Variants in ANKRD62 observed in about 807,000 individuals in gnomAD.
ANKRD62 encodes ankyrin repeat domain 62, also known as ankyrin repeat domain-containing protein 62.
In ANKRD62, 61 loss-of-function variants were observed where a neutral mutation model predicts 98.8. The observed-to-expected ratio is 0.62, with a 90% CI of 0.50 to 0.76. The LOEUF (loss-of-function observed/expected upper bound fraction) is 0.76. Among genes scored for constraint, ANKRD62 ranks in the 30% least tolerant of loss-of-function variants. The pLI, the probability that ANKRD62 is intolerant of heterozygous loss-of-function variation, is 0.00. For missense variants in ANKRD62, 933 were observed against 1,082.9 expected (o/e 0.86, Z 1.94); for synonymous variants, 341 against 367.9 (o/e 0.93, Z 0.84).
At chr18:12,112,487 G>C (rs1909565070) in intron 8 of ANKRD62, among the ~76,000 whole-genome samples, 1 of 152,174 alleles carries the variant, frequency 6.6e-6, no homozygotes, top group African/African-American at 2.4e-5. Context: ...TTAATAAATG[G>C]TACTGGGATA....
the ANKRD62 span, among the ~76,000 whole-genome samples, chr18:12,157,713 A>G: frequency 2.6e-5 from 4 of 152,194 alleles, no homozygotes; most frequent in African/African-American, 9.6e-5. Flanking sequence ...CTGGGTGGTC[A>G]TTGGCTGTCT....
chr18:12,149,816 GA>G, the ANKRD62 span, among the ~76,000 whole-genome samples: 1 of 143,586 alleles, frequency 7.0e-6, no homozygotes, highest in African/African-American at 2.6e-5. Flanking sequence ...GAAGTTAAAG[GA>G]ACACCCACAT....
chr18:12,095,579 C>CA lies in ANKRD62; in HGVS notation c.477dup (p.Tyr160IlefsTer6). On this transcript the variant is annotated frameshift_variant, in exon 3 of 14. Coordinates refer to ENST00000587848, the MANE Select transcript of ANKRD62 (RefSeq NM_001277333.2). LOFTEE classifies it high-confidence loss of function. Reference sequence around the variant, plus strand: ...ATATCAATGGCAAGAAAACTGCTTGCATATGGTGCAGATATTGAAGCAAGA... The same window carrying CA: ...ATATCAATGGCAAGAAAACTGCTTGCAATATGGTGCAGATATTGAAGCAAGA... 6.5e-7 allele frequency: 1 copy of CA among 1,534,562 alleles called. No individual in the cohort carries two copies. The highest frequency in any genetic ancestry group is 2.4e-5 in the East Asian group (1 of 41,346).
At chr18:12,167,739 T>G in the ANKRD62 span, among the ~76,000 whole-genome samples, 1 of 152,178 alleles carries the variant, frequency 6.6e-6, no homozygotes, top group African/African-American at 2.4e-5. Flanking sequence ...TGAACTAGTT[T>G]ACACTCCCAA....
the ANKRD62 span, among the ~76,000 whole-genome samples, chr18:12,159,669 A>G: frequency 6.6e-6 from 1 of 152,198 alleles, no homozygotes; most frequent in South Asian, 2.1e-4. Context: ...GAGAAACGTG[A>G]TGAGTAATGT....
In ANKRD62 at chr18:12,128,852, G is replaced by A. The variant is rs1211944915; in HGVS notation, c.*913G>A. 1 of 152,250 alleles carries A rather than the reference G, an allele frequency of 6.6e-6. No individual in the cohort carries two copies. The highest frequency in any genetic ancestry group is 6.5e-5 in the Admixed American group (1 of 15,292). 9.4% of individuals were successfully genotyped at this position (152,250 alleles called of 1,614,324 possible). On this transcript the variant is annotated 3_prime_UTR_variant, in exon 14 of 14. Coordinates refer to ENST00000587848, the MANE Select transcript of ANKRD62 (RefSeq NM_001277333.2). ...AAACGGGTGGATCACCTGAGGTCAG[G>A]AGTTTGAGACCATCCTGGCCAACAT... is the stretch of plus-strand genomic sequence containing the variant.
chr18:12,114,940 A>T, intron 8 of ANKRD62, 148 bp from the exon 9 acceptor site: 1 of 582,814 alleles, frequency 1.7e-6, no homozygotes, highest in Non-Finnish European at 2.5e-6. Context: ...TGTATTTTGC[A>T]TCACCTGTAA....
At chr18:12,134,147 C>T (rs1176239862), downstream of ANKRD62, among the ~76,000 whole-genome samples, 3 of 152,288 alleles carry the variant, frequency 2.0e-5, no homozygotes, top group African/African-American at 7.2e-5. Flanking sequence ...CTGCTTTCCT[C>T]AGGAGCACTG....
intron 11 of ANKRD62, among the ~76,000 whole-genome samples, chr18:12,123,508 G>C (rs1435644628): frequency 1.3e-5 from 2 of 152,180 alleles, no homozygotes; most frequent in Non-Finnish European, 2.9e-5. Context: ...ATTAGATCTT[G>C]TCTTGTTTGA....
chr18:12,096,049 C>A, intron 3 of ANKRD62, 147 bp from the exon 4 acceptor site: 1 of 626,956 alleles, frequency 1.6e-6, no homozygotes, highest in Non-Finnish European at 2.7e-6. Context: ...AACATGTGGG[C>A]AAGCACAGTG....
downstream of ANKRD62, among the ~76,000 whole-genome samples, chr18:12,133,231 C>A (rs144216029): frequency 0.011 from 1,723 of 152,250 alleles, 13 homozygotes; most frequent in Non-Finnish European, 0.02. Flanking sequence ...TCATCTATAT[C>A]ATACAGCATG....
chr18:12,119,362 T>TC (rs1239969707), intron 10 of ANKRD62, among the ~76,000 whole-genome samples: 2 of 151,080 alleles, frequency 1.3e-5, no homozygotes, highest in East Asian at 1.9e-4. Flanking sequence ...TTTTTTTTTT[T>TC]TCTGAAACCA....
chr18:12,096,669 A>G (rs1036571626), intron 4 of ANKRD62, among the ~76,000 whole-genome samples: 4 of 152,224 alleles, frequency 2.6e-5, no homozygotes, highest in African/African-American at 9.6e-5. Flanking sequence ...CTTTTATAGT[A>G]GTTTCAACCT....
At chr18:12,171,612 G>T in the ANKRD62 span, among the ~76,000 whole-genome samples, 88 of 152,190 alleles carry the variant, frequency 5.8e-4, no homozygotes, top group Non-Finnish European at 1.2e-3. Flanking sequence ...TGACAATTAT[G>T]TGTCTTGGGG....
intron 10 of ANKRD62, among the ~76,000 whole-genome samples, chr18:12,120,031 A>C (rs7233967): frequency 0.036 from 5,528 of 152,124 alleles, 337 homozygotes; most frequent in African/African-American, 0.13. Flanking sequence ...TTCTAATATC[A>C]TTGATTTGTG....
the ANKRD62 span, among the ~76,000 whole-genome samples, chr18:12,150,430 C>G: frequency 6.6e-6 from 1 of 152,226 alleles, no homozygotes; most frequent in East Asian, 1.9e-4. Context: ...GAGAATCAAA[C>G]AAATTCAGGA....
In ANKRD62 at chr18:12,093,906, C is replaced by A. The variant is rs1220970192; in HGVS notation, c.-112C>A. ...ACTGGAGTGTCCCTGACGGAGGTTG[C>A]GGCTGGACCTGGTTACGTGCTGGTG... On this transcript the variant is annotated 5_prime_UTR_variant, in exon 1 of 14. Coordinates refer to ENST00000587848, the MANE Select transcript of ANKRD62 (RefSeq NM_001277333.2). 3.9e-6 allele frequency: 4 copies of A among 1,017,664 alleles called. No homozygotes were observed. The highest frequency in any genetic ancestry group is 5.8e-6 in the Non-Finnish European group (4 of 690,282). 63.0% of individuals were successfully genotyped at this position (1,017,664 alleles called of 1,614,324 possible).
the ANKRD62 span, among the ~76,000 whole-genome samples, chr18:12,178,098 G>A: frequency 6.7e-6 from 1 of 150,104 alleles, no homozygotes; most frequent in Non-Finnish European, 1.5e-5. Flanking sequence ...ATTAGAACGG[G>A]CATGAAAGTC....
intron 4 of ANKRD62, among the ~76,000 whole-genome samples, chr18:12,097,341 G>A (rs2143893389): frequency 6.6e-6 from 1 of 152,208 alleles, no homozygotes; most frequent in African/African-American, 2.4e-5. Flanking sequence ...TAAATTTTTA[G>A]CTACTTTAGA....
Sources: allele counts gnomAD v4.1 joint callset (sites outside exome capture counted in the v4.1 genomes callset), GRCh38; gene constraint gnomAD v4.1.1; transcripts MANE v1.5; gene names NCBI Gene and HGNC (gene_info 2026-07-23, HGNC 2026-07-21).